The following MRTFA variants were observed in gnomAD, a reference collection of about 807,000 sequenced individuals.
MRTFA encodes the protein myocardin related transcription factor A, also known as myocardin-related transcription factor A.
In MRTFA, 20 loss-of-function variants were observed where a neutral mutation model predicts 83.5. The observed-to-expected ratio is 0.24, with a 90% confidence interval of 0.17 to 0.35. The LOEUF (loss-of-function observed/expected upper bound fraction) is 0.35. MRTFA is among the 10% of genes least tolerant of loss of function. The pLI, the probability that MRTFA is intolerant of heterozygous loss-of-function variation, is 1.00. For missense variants in MRTFA, 1,200 were observed against 1,224.7 expected (o/e 0.98, Z 0.30); for synonymous variants, 659 against 541.2 (o/e 1.22, Z -3.02).
intron 2 of MRTFA, among the ~76,000 whole-genome samples, chr22:40,577,059 C>CA (rs1327753666): frequency 6.6e-6 from 1 of 151,774 alleles, no homozygotes; most frequent in Non-Finnish European, 1.5e-5. Context: ...CTCATCTCCA[C>CA]AAAAAATTTA....
intron 1 of MRTFA, among the ~76,000 whole-genome samples, chr22:40,607,526 C>G (rs768088261): frequency 5.4e-5 from 8 of 149,430 alleles, no homozygotes; most frequent in Non-Finnish European, 1.0e-4. Context: ...AAAAGAACAA[C>G]AGGTACACAA....
At chr22:40,490,506 G>A (rs540274370) in intron 3 of MRTFA, among the ~76,000 whole-genome samples, 1 of 151,988 alleles carries the variant, frequency 6.6e-6, no homozygotes, top group South Asian at 2.1e-4. Flanking sequence ...GGCTGAAGCA[G>A]GAGAATGGTA....
chr22:40,630,468 T>C (rs1000822877), intron 1 of MRTFA, among the ~76,000 whole-genome samples: 2 of 152,202 alleles, frequency 1.3e-5, no homozygotes, highest in African/African-American at 2.4e-5. Flanking sequence ...TTTTCTGTTG[T>C]ACAAAATCAG....
chr22:40,463,306 G>C lies in MRTFA; in HGVS notation c.242-20C>G, dbSNP rs1167422604. 1.2e-6 allele frequency: 2 copies of C among 1,606,824 alleles called. No individual in the cohort carries two copies. Among genetic ancestry groups the C allele is most frequent in the African/African-American group, 2.7e-5 (2 of 74,720 alleles). Reference sequence around the variant, plus strand: ...GTAGCACTGCAGGGCAGCAGAGAGAGAGGAGAGATGAGGGGTCAGTTGGGT... The same window carrying C: ...GTAGCACTGCAGGGCAGCAGAGAGACAGGAGAGATGAGGGGTCAGTTGGGT... On this transcript the variant is annotated intron_variant, in intron 3 of 14. Coordinates refer to ENST00000355630, the MANE Select transcript of MRTFA (RefSeq NM_020831.6).
chr22:40,555,015 T>C (rs1488223635), intron 2 of MRTFA, among the ~76,000 whole-genome samples: 1 of 152,226 alleles, frequency 6.6e-6, no homozygotes, highest in Non-Finnish European at 1.5e-5. Context: ...TTTTGGCAAA[T>C]TTCTCCCTTT....
At chr22:40,492,934 C>T (rs1781110940) in intron 3 of MRTFA, among the ~76,000 whole-genome samples, 1 of 152,216 alleles carries the variant, frequency 6.6e-6, no homozygotes. Context: ...CAGTTCAATA[C>T]ATATTTGACC....
intron 3 of MRTFA, among the ~76,000 whole-genome samples, chr22:40,514,830 T>G (rs1402516890): frequency 6.6e-6 from 1 of 151,936 alleles, no homozygotes; most frequent in South Asian, 2.1e-4. Context: ...CAGGGAAACA[T>G]TTCTTTGGAG....
intron 3 of MRTFA, among the ~76,000 whole-genome samples, chr22:40,547,458 C>T (rs2055382379): frequency 6.6e-6 from 1 of 152,004 alleles, no homozygotes; most frequent in African/African-American, 2.4e-5. Flanking sequence ...TCAATGAAAG[C>T]ACAGCAAGTA....
intron 3 of MRTFA, among the ~76,000 whole-genome samples, chr22:40,515,893 A>G (rs572158575): frequency 3.3e-5 from 5 of 152,306 alleles, no homozygotes; most frequent in African/African-American, 1.2e-4. Context: ...CGCAACATCT[A>G]GCACGTGACA....
intron 2 of MRTFA, chr22:40,587,006 G>A (rs1046287161): frequency 1.1e-5 from 5 of 474,270 alleles, no homozygotes; most frequent in Non-Finnish European, 2.2e-5. Context: ...GCCTGGTGTT[G>A]CAGAGCATGG....
Position 40,411,814 on chromosome 22 carries a change from G to A in MRTFA, c.2672C>T (p.Pro891Leu). The A allele has an allele frequency of 6.6e-7, 1 of 1,520,508 alleles. No individual in the cohort carries two copies. The allele number at this position is 1,520,508 out of a possible 1,614,324, so 94.2% of individuals were successfully genotyped here. A position where few individuals can be genotyped will look rare whatever the true frequency, so the allele number is the denominator to read the frequency against. The change falls in exon 15 of 15, where the codon CCA becomes CTA. Residue 891 changes from proline to leucine, a missense_variant. Coordinates refer to ENST00000355630, the MANE Select transcript of MRTFA (RefSeq NM_020831.6). The stretch of plus-strand genomic sequence containing the variant: ...CTGGGGGAGCTCAGCAGAAGGTGAT[G>A]GCTGTGCTGCCAGGGGGGACCCACA...
chr22:40,528,677 C>T (rs988768143), intron 3 of MRTFA, among the ~76,000 whole-genome samples: 4 of 146,016 alleles, frequency 2.7e-5, no homozygotes, highest in East Asian at 2.0e-4. Flanking sequence ...GTGGAGGCTG[C>T]GGTGAGCCGA....
Position 40,416,075 on chromosome 22 carries a change from C to A in MRTFA, c.2578+911G>T, listed in dbSNP as rs150125324. On this transcript the variant is annotated intron_variant, in intron 14 of 14. Coordinates refer to ENST00000355630, the MANE Select transcript of MRTFA (RefSeq NM_020831.6). The surrounding 1 kb of genome is among the most constrained non-coding windows in gnomAD (Gnocchi z 4.2). ...CAACTGTCCCTGTGAACCCTCCATT[C>A]GGTCTCGTGACACACCCCATCAGGG... 7.7e-4 allele frequency among the ~76,000 whole-genome samples: 117 copies of A among 152,320 alleles called. 1 individual carries two copies. Among genetic ancestry groups the A allele is most frequent in the African/African-American group, 2.8e-3 (115 of 41,574 alleles).
intron 3 of MRTFA, among the ~76,000 whole-genome samples, chr22:40,471,995 G>C (rs2053924283): frequency 6.6e-6 from 1 of 152,166 alleles, no homozygotes; most frequent in Non-Finnish European, 1.5e-5. Context: ...CAAAGCCAGA[G>C]AAAGACATCA....
intron 3 of MRTFA, among the ~76,000 whole-genome samples, chr22:40,481,631 C>A (rs6001932): frequency 0.14 from 21,735 of 151,830 alleles, 1,893 homozygotes; most frequent in East Asian, 0.24. Flanking sequence ...TTGAAGAGAC[C>A]GATGACTCTT....
At chr22:40,424,834 A>G (rs2147081973) in intron 7 of MRTFA, among the ~76,000 whole-genome samples, 1 of 152,306 alleles carries the variant, frequency 6.6e-6, no homozygotes, top group East Asian at 1.9e-4. Flanking sequence ...CAGATGGTGC[A>G]GTGAGGGCTC....
In MRTFA at chr22:40,410,334, C is replaced by CTT; in HGVS notation, c.*1054_*1055dup. The CTT allele has an allele frequency of 3.1e-6, 1 of 325,246 alleles. No homozygotes were observed. Among genetic ancestry groups the CTT allele is most frequent in the Non-Finnish European group, 4.9e-6 (1 of 202,914 alleles). 20.1% of individuals were successfully genotyped at this position (325,246 alleles called of 1,614,324 possible). On this transcript the variant is annotated 3_prime_UTR_variant, in exon 15 of 15. Coordinates refer to ENST00000355630, the MANE Select transcript of MRTFA (RefSeq NM_020831.6). Reference sequence around the variant, plus strand: ...TAAAAAGTTCACACACCTTCCCCATCTTTGTCCCAGCACTGGTTTTGGTGA... The same window carrying CTT: ...TAAAAAGTTCACACACCTTCCCCATCTTTTTGTCCCAGCACTGGTTTTGGTGA...
rs372793419 is a variant in MRTFA, at chr22:40,480,274, AT to A, written c.242-16989del. On this transcript the variant is annotated intron_variant, in intron 3 of 14. Coordinates refer to ENST00000355630, the MANE Select transcript of MRTFA (RefSeq NM_020831.6). ...AAACACACCAGTTCTCTGTATGTTT[AT>A]TTTTTTTTTTTTATGTTTTGTCAAG... Among the ~76,000 whole-genome samples the A allele has an allele frequency of 3.8e-3, 549 of 144,718 alleles. 1 individual carries two copies. The highest frequency in any genetic ancestry group is 9.3e-3 in the African/African-American group (369 of 39,782). The allele number at this position is 144,718 out of a possible 152,430, so 94.9% of individuals were successfully genotyped here. A position where few individuals can be genotyped will look rare whatever the true frequency, so the allele number is the denominator to read the frequency against.
At chr22:40,449,273 A>AG (rs1260465296) in intron 4 of MRTFA, among the ~76,000 whole-genome samples, 2 of 125,884 alleles carry the variant, frequency 1.6e-5, no homozygotes, top group African/African-American at 5.6e-5. Context: ...TCTCCAAACG[A>AG]GAAAAAAAAA....
Sources: gnomAD v4.1 joint callset for allele counts (sites outside exome capture counted in the v4.1 genomes callset) on GRCh38, gnomAD v4.1.1 for gene constraint, Gnocchi (gnomAD v3.1) non-coding constraint, MANE v1.5 for transcripts, NCBI Gene and HGNC (gene_info 2026-07-23, HGNC 2026-07-21) for gene names.